XPO6: variants seen among roughly 807,000 people sequenced by gnomAD.
XPO6 encodes exportin 6.
Under a neutral mutation model 130.0 loss-of-function variants are expected in XPO6, and 3 were observed. That is an observed-to-expected ratio of 0.02 (90% CI 0.01 to 0.06). The LOEUF (loss-of-function observed/expected upper bound fraction) is 0.06. XPO6 is among the 10% of genes least tolerant of loss of function. The pLI is 1.00. For missense variants in XPO6, 970 were observed against 1,393.0 expected (o/e 0.70, Z 4.83); for synonymous variants, 524 against 548.9 (o/e 0.95, Z 0.63).
At chr16:28,191,280 T>C (rs1257937893) in intron 1 of XPO6, among the ~76,000 whole-genome samples, 2 of 152,190 alleles carry the variant, frequency 1.3e-5, no homozygotes, top group Non-Finnish European at 2.9e-5. Context: ...GTCAGAAGGC[T>C]TAATTAAACA....
chr16:28,185,204 A>G (rs2043674980), intron 1 of XPO6, among the ~76,000 whole-genome samples: 1 of 152,028 alleles, frequency 6.6e-6, no homozygotes, highest in African/African-American at 2.4e-5. Flanking sequence ...AACAACAACA[A>G]CAAAAAAAAG....
chr16:28,187,782 G>A (rs987647448), intron 1 of XPO6, among the ~76,000 whole-genome samples: 4 of 150,580 alleles, frequency 2.7e-5, no homozygotes, highest in African/African-American at 7.4e-5. Flanking sequence ...GAAAACTGTT[G>A]GTATCACTTT....
intron 14 of XPO6, 50 bp downstream of exon 14, chr16:28,121,619 TG>T (rs756138413): frequency 1.5e-6 from 2 of 1,325,248 alleles, no homozygotes; most frequent in South Asian, 1.2e-5. Context: ...ATTTGGAGAT[TG>T]GGGGCAAGGT....
intron 1 of XPO6, among the ~76,000 whole-genome samples, chr16:28,193,053 C>G (rs1473972457): frequency 4.6e-5 from 7 of 152,186 alleles, no homozygotes; most frequent in Non-Finnish European, 1.0e-4. Context: ...ACTGTAAGTT[C>G]TTCTTACGTA....
intron 1 of XPO6, among the ~76,000 whole-genome samples, chr16:28,186,346 A>G (rs2043691859): frequency 8.0e-6 from 1 of 125,436 alleles, no homozygotes; most frequent in Non-Finnish European, 1.6e-5. Flanking sequence ...AAATTCTCTT[A>G]AATATAGATT....
At chr16:28,124,803 A>G (rs1191633366) in intron 13 of XPO6, among the ~76,000 whole-genome samples, 1 of 152,216 alleles carries the variant, frequency 6.6e-6, no homozygotes, top group Non-Finnish European at 1.5e-5. Flanking sequence ...CTTTTCAGCT[A>G]AGATGTGGCA....
chr16:28,179,770 C>T (rs569194042), intron 2 of XPO6, among the ~76,000 whole-genome samples: 1 of 152,186 alleles, frequency 6.6e-6, no homozygotes, highest in Non-Finnish European at 1.5e-5. Flanking sequence ...CAAGTCCACA[C>T]ACTCAAATAA....
rs1317112030 is a variant in XPO6 at position 28,105,402 on chromosome 16, C to G, written c.2784+641G>C. Among the ~76,000 whole-genome samples the G allele has an allele frequency of 5.3e-5, 8 of 152,292 alleles. No homozygotes were observed. In the East Asian group the frequency reaches 1.5e-3, roughly 29 times the overall value. On this transcript the variant is annotated intron_variant, in intron 20 of 23. Coordinates refer to ENST00000304658, the MANE Select transcript of XPO6 (RefSeq NM_015171.4). ...CAAAATTAGAAGGCCCACATATATT[C>G]AGTTCAGCCTTGATTAAAATTAAAT... is the stretch of plus-strand genomic sequence containing the variant.
chr16:28,120,867 A>C (rs2087217625), intron 14 of XPO6, among the ~76,000 whole-genome samples: 1 of 152,182 alleles, frequency 6.6e-6, no homozygotes, highest in Admixed American at 6.5e-5. Flanking sequence ...CAGCTACTCT[A>C]CTCTGCTGCT....
At chr16:28,119,207 CAG>C in intron 14 of XPO6, among the ~76,000 whole-genome samples, 1 of 146,174 alleles carries the variant, frequency 6.8e-6, no homozygotes, top group African/African-American at 2.5e-5. Context: ...TTGGTAGGGA[CAG>C]AGTCTCACTA....
At chr16:28,135,372 G>C (rs2042755519) in intron 9 of XPO6, 48 bp from the exon 10 acceptor site, 2 of 1,536,376 alleles carry the variant, frequency 1.3e-6, no homozygotes, top group South Asian at 2.3e-5. Context: ...TTTCAGCTTA[G>C]AATTTGGAAA....
At chr16:28,207,590 A>AT (rs2044054100) in intron 1 of XPO6, among the ~76,000 whole-genome samples, 1 of 152,218 alleles carries the variant, frequency 6.6e-6, no homozygotes, top group Non-Finnish European at 1.5e-5. Flanking sequence ...TGTAAACAAA[A>AT]TTCCCCATAC....
At chr16:28,196,265 A>G (rs2043861477) in intron 1 of XPO6, among the ~76,000 whole-genome samples, 1 of 152,192 alleles carries the variant, frequency 6.6e-6, no homozygotes, top group African/African-American at 2.4e-5. Context: ...ATACAGATTC[A>G]ATTCAACTTT....
chr16:28,113,984 C>T (rs138563641), intron 15 of XPO6, among the ~76,000 whole-genome samples: 57 of 152,042 alleles, frequency 3.7e-4, no homozygotes, highest in African/African-American at 1.2e-3. Context: ...ATGACTAAAA[C>T]TACAAAAAAA....
At chr16:28,100,249 C>G (rs2141224279) in intron 23 of XPO6, among the ~76,000 whole-genome samples, 1 of 152,344 alleles carries the variant, frequency 6.6e-6, no homozygotes, top group East Asian at 1.9e-4. Flanking sequence ...CTTGGCCTCC[C>G]AAAGTGCTGA....
chr16:28,186,056 T>G (rs777122174), intron 1 of XPO6, among the ~76,000 whole-genome samples: 7 of 152,026 alleles, frequency 4.6e-5, no homozygotes, highest in Non-Finnish European at 1.0e-4. Context: ...GACTACTAAG[T>G]CCACCAAGAC....
At chr16:28,152,155 CT>C (rs2043104623) in intron 8 of XPO6, among the ~76,000 whole-genome samples, 1 of 152,030 alleles carries the variant, frequency 6.6e-6, no homozygotes, top group African/African-American at 2.4e-5. Context: ...GCAAAGACTG[CT>C]TGTGAAGGTT....
At chr16:28,189,363 G>T (rs1216758769) in intron 1 of XPO6, among the ~76,000 whole-genome samples, 1 of 151,586 alleles carries the variant, frequency 6.6e-6, no homozygotes, top group East Asian at 1.9e-4. Context: ...CCACAGTCTA[G>T]CAGTCAGCAG....
chr16:28,129,701 A>G (rs963193956), intron 12 of XPO6, among the ~76,000 whole-genome samples: 3 of 152,226 alleles, frequency 2.0e-5, no homozygotes, highest in Admixed American at 6.5e-5. Flanking sequence ...AGAACAAATC[A>G]TAATCATAAA....
Sources: allele counts gnomAD v4.1 joint callset (sites outside exome capture counted in the v4.1 genomes callset), GRCh38; gene constraint gnomAD v4.1.1; transcripts MANE v1.5; gene names NCBI Gene and HGNC (gene_info 2026-07-23, HGNC 2026-07-21).